Variants in ALDH18A1 observed in about 807,000 individuals in gnomAD.
ALDH18A1 encodes delta-1-pyrroline-5-carboxylate synthase.
Under a neutral mutation model 88.8 loss-of-function variants are expected in ALDH18A1, and 44 were observed. The observed-to-expected ratio is 0.50, with a 90% CI of 0.39 to 0.64. ALDH18A1 has a LOEUF of 0.64. Among genes scored for constraint, ALDH18A1 ranks in the 30% least tolerant of loss-of-function variants. ALDH18A1 has a pLI of 0.00. For missense variants in ALDH18A1, 782 were observed against 1,009.5 expected, an observed-to-expected ratio of 0.77 and a Z score of 3.05; for synonymous variants, 331 against 372.1, an observed-to-expected ratio of 0.89 and a Z score of 1.27.
intron 2 of ALDH18A1, among the ~76,000 whole-genome samples, chr10:95,651,383 C>T (rs1291523332): frequency 1.3e-5 from 2 of 152,172 alleles, no homozygotes; most frequent in Non-Finnish European, 2.9e-5. Flanking sequence ...TAAAATGGTA[C>T]TGTCACTCTG....
chr10:95,636,920 C>T (rs2097881726), intron 5 of ALDH18A1, among the ~76,000 whole-genome samples, 173 bp downstream of exon 5: 1 of 152,162 alleles, frequency 6.6e-6, no homozygotes. Flanking sequence ...TGATATTATC[C>T]CCATTTTCAG....
intron 11 of ALDH18A1, among the ~76,000 whole-genome samples, chr10:95,623,372 T>C (rs2097855815): frequency 6.6e-6 from 1 of 151,982 alleles, no homozygotes; most frequent in African/African-American, 2.4e-5. Flanking sequence ...AATCTTGCTC[T>C]AAGAATCCTT....
At chr10:95,656,217 G>C (rs1010157537) in intron 1 of ALDH18A1, among the ~76,000 whole-genome samples, 4 of 152,092 alleles carry the variant, frequency 2.6e-5, no homozygotes, top group Non-Finnish European at 5.9e-5. Flanking sequence ...CCACCCACCA[G>C]TGCAGGCTCC....
At chr10:95,611,053 A>G (rs536079247) in intron 16 of ALDH18A1, among the ~76,000 whole-genome samples, 1 of 152,358 alleles carries the variant, frequency 6.6e-6, no homozygotes, top group East Asian at 1.9e-4. Context: ...AGAGCTAATC[A>G]TCCCTGCCCC....
intron 2 of ALDH18A1, among the ~76,000 whole-genome samples, chr10:95,648,976 T>G (rs1455137786): frequency 6.6e-6 from 1 of 152,220 alleles, no homozygotes; most frequent in East Asian, 1.9e-4. Context: ...CTTTCAGCCC[T>G]TATACTCTAC....
At position 95,615,977 on chromosome 10, in the gene ALDH18A1, C is replaced by A. The variant is rs533470876; in HGVS notation, c.1605+500G>T. Among the ~76,000 whole-genome samples the A allele has an allele frequency of 3.3e-5, 5 of 152,218 alleles. No homozygotes were observed. In the South Asian group the frequency reaches 1.0e-3, roughly 32 times the overall value. ...AGCCTTGCACATAGTAGGTACTCAACAAGTAGTAGCTATTATTATCAAACT... is the reference window on the plus strand; with the variant it reads ...AGCCTTGCACATAGTAGGTACTCAAAAAGTAGTAGCTATTATTATCAAACT... On this transcript the variant is annotated intron_variant, in intron 13 of 17. Transcript: ENST00000371224.
At chr10:95,649,095 T>C (rs867946709) in intron 2 of ALDH18A1, among the ~76,000 whole-genome samples, 8 of 152,190 alleles carry the variant, frequency 5.3e-5, no homozygotes, top group Admixed American at 6.5e-5. Context: ...TTAGGTGATA[T>C]CAAGGAGCTA....
At chr10:95,633,812 CTTTTTTT>C (rs869056809) in intron 5 of ALDH18A1, among the ~76,000 whole-genome samples, 163 bp from the exon 6 acceptor site, 4 of 103,274 alleles carry the variant, frequency 3.9e-5, no homozygotes, top group East Asian at 6.7e-4. Context: ...CTATCCAATT[CTTTTTTT>C]TTTTTTTTTT....
chr10:95,655,772 A>G (rs988659193), intron 1 of ALDH18A1, among the ~76,000 whole-genome samples: 2 of 152,124 alleles, frequency 1.3e-5, no homozygotes, highest in Non-Finnish European at 2.9e-5. Context: ...TTTAGACTCC[A>G]TATCATCAGT....
intron 1 of ALDH18A1, among the ~76,000 whole-genome samples, chr10:95,656,245 G>T (rs1327571474): frequency 6.6e-6 from 1 of 152,172 alleles, no homozygotes; most frequent in Non-Finnish European, 1.5e-5. Context: ...TGGAAAGAAG[G>T]GGCCCGCGGA....
intron 11 of ALDH18A1, among the ~76,000 whole-genome samples, chr10:95,623,797 T>G (rs891486316): frequency 6.6e-6 from 1 of 152,090 alleles, no homozygotes; most frequent in African/African-American, 2.4e-5. Context: ...GCTCCCAACC[T>G]CAGGTGATCC....
chr10:95,649,899 A>T (rs71482368), intron 2 of ALDH18A1, among the ~76,000 whole-genome samples: 1 of 150,396 alleles, frequency 6.6e-6, no homozygotes, highest in African/African-American at 2.4e-5. Context: ...AAAAAAAAAA[A>T]CAAAGAAAAA....
At chr10:95,623,710 C>T (rs749325923) in intron 11 of ALDH18A1, among the ~76,000 whole-genome samples, 2 of 152,202 alleles carry the variant, frequency 1.3e-5, no homozygotes, top group African/African-American at 2.4e-5. Context: ...GGATTACAGG[C>T]ATGCGCCACC....
chr10:95,656,003 A>AGGTG (rs1274521252), intron 1 of ALDH18A1, among the ~76,000 whole-genome samples: 2 of 152,104 alleles, frequency 1.3e-5, no homozygotes, highest in African/African-American at 4.8e-5. Flanking sequence ...GGGAAGGACG[A>AGGTG]GGTGGGGTAT....
In ALDH18A1 at chr10:95,653,337, T is replaced by C; in HGVS notation, c.41A>G (p.Asn14Ser). 1 of 1,612,886 alleles carries C rather than the reference T, an allele frequency of 6.2e-7. No individual in the cohort carries two copies. Among genetic ancestry groups the C allele is most frequent in the Non-Finnish European group, 8.5e-7 (1 of 1,179,868 alleles). The change falls in exon 2 of 18, where the codon AAC (asparagine) becomes AGC (serine). Residue 14 changes from asparagine to serine, a missense_variant. Asn to Ser is a conservative substitution (Grantham distance 46). Around this residue, in one of 3 missense-constraint regions of ALDH18A1, gnomAD observed 94 missense variants for 99.5 expected, o/e 0.94. Coordinates refer to ENST00000371224, the MANE Select transcript of ALDH18A1 (RefSeq NM_002860.4). ...QVYRCGFQPF[N>S]QHLLPWVKCT... ...CTTGACCCAGGGCAGAAGATGTTGGTTGAAGGGCTGGAACCCACAGCGGTA... is the reference window on the plus strand; with the variant it reads ...CTTGACCCAGGGCAGAAGATGTTGGCTGAAGGGCTGGAACCCACAGCGGTA...
intron 3 of ALDH18A1, among the ~76,000 whole-genome samples, chr10:95,640,486 C>T (rs1312503708): frequency 6.6e-6 from 1 of 152,112 alleles, no homozygotes; most frequent in Admixed American, 6.5e-5. Context: ...GGATTACAGG[C>T]AGGTGCCACC....
At chr10:95,635,075 A>T (rs1241008257) in intron 5 of ALDH18A1, among the ~76,000 whole-genome samples, 1 of 152,188 alleles carries the variant, frequency 6.6e-6, no homozygotes, top group Non-Finnish European at 1.5e-5. Context: ...CTCGATAAAA[A>T]ATTTGTTGAG....
At chr10:95,620,945 AAAAAG>A (rs1435679015) in intron 12 of ALDH18A1, 81 bp downstream of exon 12, 66 of 1,369,140 alleles carry the variant, frequency 4.8e-5, no homozygotes, top group Non-Finnish European at 6.1e-5. Flanking sequence ...AAAAAAAAAA[AAAAAG>A]AAAAGAAAAT....
At chr10:95,637,988 CAA>C (rs2097884246) in intron 3 of ALDH18A1, among the ~76,000 whole-genome samples, 1 of 146,786 alleles carries the variant, frequency 6.8e-6, no homozygotes, top group African/African-American at 2.7e-5. Context: ...ACAACAACAA[CAA>C]CAACAACAAC....
Sources: allele counts gnomAD v4.1 joint callset (sites outside exome capture counted in the v4.1 genomes callset), GRCh38; gene constraint gnomAD v4.1.1; regional missense constraint gnomAD v4.1.1; transcripts MANE v1.5; gene names NCBI Gene and HGNC (gene_info 2026-07-23, HGNC 2026-07-21).